THEMIS: variants seen among roughly 807,000 people sequenced by gnomAD.
THEMIS encodes the protein thymocyte selection associated, also known as protein THEMIS.
In THEMIS, 37 loss-of-function variants were observed where a neutral mutation model predicts 52.6. The observed-to-expected ratio is 0.70, with a 90% CI of 0.54 to 0.93. The LOEUF (loss-of-function observed/expected upper bound fraction) is 0.93. THEMIS is among the 40% of genes least tolerant of loss of function. The pLI is 0.00. For synonymous variants in THEMIS, 292 were observed against 272.7 expected (o/e 1.07, Z -0.70); for missense variants, 808 against 763.1 (o/e 1.06, Z -0.69).
At chr6:127,711,800 G>A (rs968430060) in intron 5 of THEMIS, among the ~76,000 whole-genome samples, 3 of 151,898 alleles carry the variant, frequency 2.0e-5, no homozygotes, top group Non-Finnish European at 4.4e-5. Context: ...TTTTCTTAGG[G>A]AGCAGGGGGA....
intron 5 of THEMIS, among the ~76,000 whole-genome samples, chr6:127,717,203 A>G (rs569996906): frequency 1.4e-5 from 1 of 70,724 alleles, no homozygotes; most frequent in African/African-American, 3.6e-5. Context: ...ATAATCTTCA[A>G]AAAAAAAAAG....
intron 4 of THEMIS, among the ~76,000 whole-genome samples, chr6:127,734,601 T>A (rs1407654743): frequency 6.6e-6 from 1 of 152,076 alleles, no homozygotes; most frequent in African/African-American, 2.4e-5. Context: ...CCGAGCGCTG[T>A]GGCTCACGCC....
chr6:127,706,936 A>G (rs1773815912), downstream of THEMIS, among the ~76,000 whole-genome samples: 1 of 152,104 alleles, frequency 6.6e-6, no homozygotes, highest in South Asian at 2.1e-4. Context: ...AGGTATACCC[A>G]AGACTGGGTA....
At chr6:127,777,800 C>A (rs903376961) in intron 4 of THEMIS, among the ~76,000 whole-genome samples, 14 of 152,090 alleles carry the variant, frequency 9.2e-5, no homozygotes, top group Non-Finnish European at 1.9e-4. Context: ...CATTTGGGTT[C>A]TCTGAATAGA....
At chr6:127,884,552 A>G (rs1009046241) in intron 1 of THEMIS, among the ~76,000 whole-genome samples, 5 of 152,098 alleles carry the variant, frequency 3.3e-5, no homozygotes, top group Non-Finnish European at 5.9e-5. Context: ...ATAAGCTGTC[A>G]AGTTCAGAAT....
chr6:127,904,725 T>G (rs9398859), upstream of THEMIS, among the ~76,000 whole-genome samples: 5,947 of 152,122 alleles, frequency 0.039, 659 homozygotes, highest in East Asian at 0.37. Flanking sequence ...TTATTAGTCC[T>G]GCAATTTAAG....
intron 4 of THEMIS, among the ~76,000 whole-genome samples, chr6:127,767,126 C>G (rs1037944405): frequency 6.6e-6 from 1 of 151,226 alleles, no homozygotes; most frequent in South Asian, 2.1e-4. Flanking sequence ...GAGTCTCGCT[C>G]TGTCACCCAG....
intron 3 of THEMIS, among the ~76,000 whole-genome samples, chr6:127,827,905 A>G (rs1051065331): frequency 1.3e-5 from 2 of 152,078 alleles, no homozygotes; most frequent in Non-Finnish European, 2.9e-5. Context: ...AAGACCCTCC[A>G]TGATTGATTC....
chr6:127,902,324 C>CAAAAA (rs35320887), upstream of THEMIS, among the ~76,000 whole-genome samples: 20 of 109,748 alleles, frequency 1.8e-4, 1 homozygote, highest in South Asian at 3.1e-4. Flanking sequence ...GACTCTGTCT[C>CAAAAA]AAAAAAAAAA....
At chr6:127,879,933 A>G (rs538437805) in intron 1 of THEMIS, among the ~76,000 whole-genome samples, 2 of 152,220 alleles carry the variant, frequency 1.3e-5, no homozygotes, top group South Asian at 2.1e-4. Context: ...CCAGCTGCGA[A>G]GCCCACCCTG....
chr6:127,702,547 T>C, the THEMIS span, among the ~76,000 whole-genome samples: 1 of 152,192 alleles, frequency 6.6e-6, no homozygotes, highest in Admixed American at 6.5e-5. Context: ...CTGTCTTTTC[T>C]TGCTGCATTC....
intron 2 of THEMIS, among the ~76,000 whole-genome samples, chr6:127,848,025 G>A (rs929630655): frequency 1.9e-4 from 29 of 150,460 alleles, no homozygotes; most frequent in Admixed American, 6.6e-4. Context: ...CCATTAACTC[G>A]TCATTTAACA....
intron 4 of THEMIS, among the ~76,000 whole-genome samples, chr6:127,725,573 A>C (rs563171303): frequency 6.6e-6 from 1 of 152,272 alleles, no homozygotes; most frequent in East Asian, 1.9e-4. Flanking sequence ...TGTGCATTAT[A>C]AAGGTCCATA....
chr6:127,870,626 A>G (rs2114381008), intron 1 of THEMIS, among the ~76,000 whole-genome samples: 1 of 152,334 alleles, frequency 6.6e-6, no homozygotes, highest in South Asian at 2.1e-4. Context: ...GTAGATTGAA[A>G]GAAGATGGAT....
At chr6:127,910,843 C>T (rs1448792914) in intron 1 of THEMIS, among the ~76,000 whole-genome samples, 1 of 152,116 alleles carries the variant, frequency 6.6e-6, no homozygotes. Context: ...TTGCTAACGT[C>T]ATTTTTCCTT....
chr6:127,697,000 T>C, the THEMIS span, among the ~76,000 whole-genome samples: 1 of 152,082 alleles, frequency 6.6e-6, no homozygotes, highest in African/African-American at 2.4e-5. Context: ...TGATAACACA[T>C]GCGCCCACAC....
chr6:127,864,174 A>G lies in THEMIS; in HGVS notation c.92-8986T>C, dbSNP rs189004437. Among the ~76,000 whole-genome samples, 104 of 152,242 alleles carry G rather than the reference A, an allele frequency of 6.8e-4. 3 individuals carry two copies. The highest frequency in any genetic ancestry group is 3.4e-3 in the Middle Eastern group (1 of 294). On this transcript the variant is annotated intron_variant, in intron 1 of 5. Transcript: ENST00000368248. ...GAATATAAGAGTCAAATAATGAAAG[A>G]TGATCTATAGTAGATTATAGACCAA...
chr6:127,702,698 C>A, the THEMIS span, among the ~76,000 whole-genome samples: 1 of 151,670 alleles, frequency 6.6e-6, no homozygotes, highest in African/African-American at 2.4e-5. Flanking sequence ...CGAGACTGGG[C>A]AAGTTACAAA....
intron 2 of THEMIS, among the ~76,000 whole-genome samples, chr6:127,854,525 T>G (rs1381166163): frequency 1.3e-5 from 2 of 151,702 alleles, no homozygotes; most frequent in Non-Finnish European, 3.0e-5. Context: ...GTCTTCTAGA[T>G]GGCATGATAT....
Sources: allele counts gnomAD v4.1 joint callset (sites outside exome capture counted in the v4.1 genomes callset), GRCh38; gene constraint gnomAD v4.1.1; transcripts MANE v1.5; gene names NCBI Gene and HGNC (gene_info 2026-07-23, HGNC 2026-07-21).